The following PUDP variants were observed in gnomAD, a reference collection of about 807,000 sequenced individuals.
PUDP encodes the protein pseudouridine-5'-phosphatase.
Under a neutral mutation model 9.4 loss-of-function variants are expected in PUDP, and 8 were observed. The observed-to-expected ratio is 0.85, with a 90% CI of 0.50 to 1.53. PUDP has a LOEUF of 1.53. Among genes scored for constraint, PUDP ranks in the 40% most tolerant of loss-of-function variants. The pLI is 0.00. For missense variants in PUDP, 188 were observed against 189.7 expected (o/e 0.99, Z 0.05); for synonymous variants, 99 against 80.7 (o/e 1.23, Z -1.22).
At chrX:6,793,223 G>C (rs1476251052) in intron 3 of PUDP, among the ~76,000 whole-genome samples, 1 of 111,902 alleles carries the variant, frequency 8.9e-6, no homozygotes, top group Non-Finnish European at 1.9e-5. Flanking sequence ...TGAAAGTAGT[G>C]ACAAAAATCG....
At chrX:6,766,522 T>C (rs1169980643) in intron 3 of PUDP, among the ~76,000 whole-genome samples, 1 of 111,895 alleles carries the variant, frequency 8.9e-6, no homozygotes, top group East Asian at 2.8e-4. Flanking sequence ...CAGTAGACTG[T>C]GATAGTTATG....
chrX:7,025,765 T>G (rs745413478), intron 1 of PUDP, among the ~76,000 whole-genome samples: 8 of 112,484 alleles, frequency 7.1e-5, no homozygotes, highest in Non-Finnish European at 1.1e-4. Context: ...ACAAAGCACT[T>G]AAGTCAATTC....
rs767972958 is a variant in PUDP, at chrX:6,880,952, T to C, written c.*247+96181A>G. 3.5e-5 allele frequency among the ~76,000 whole-genome samples: 4 copies of C among 112,794 alleles called. No homozygotes were observed. In the East Asian group the frequency reaches 1.1e-3, roughly 31 times the overall value. On this transcript the variant is annotated intron_variant and NMD_transcript_variant, in intron 3 of 3. Coordinates refer to the PUDP transcript ENST00000655425. Reference sequence around the variant, plus strand: ...ATGTACTCTTCTCTCATGAATCTTGTAGTTTGGCAGAGAAAAAGATAATAA... The same window carrying C: ...ATGTACTCTTCTCTCATGAATCTTGCAGTTTGGCAGAGAAAAAGATAATAA...
intron 3 of PUDP, among the ~76,000 whole-genome samples, chrX:6,947,604 C>A (rs1217338417): frequency 9.0e-6 from 1 of 110,953 alleles, no homozygotes; most frequent in African/African-American, 3.3e-5. Context: ...ACCAGCTGGG[C>A]AACATAGTGA....
intron 3 of PUDP, among the ~76,000 whole-genome samples, chrX:6,807,462 A>G (rs1926069998): frequency 8.9e-6 from 1 of 112,400 alleles, no homozygotes; most frequent in Non-Finnish European, 1.9e-5. Context: ...CCCCTCTCGT[A>G]CCATTAATGG....
At chrX:7,114,046 GTCTCTC>G (rs199597384) in intron 1 of PUDP, among the ~76,000 whole-genome samples, 1 of 88,944 alleles carries the variant, frequency 1.1e-5, no homozygotes, top group African/African-American at 4.3e-5. Context: ...GCTAGCTCAG[GTCTCTC>G]TCTCTCTCTC....
intron 1 of PUDP, among the ~76,000 whole-genome samples, chrX:7,004,532 A>AC (rs1929375490): frequency 8.9e-6 from 1 of 112,171 alleles, no homozygotes; most frequent in Admixed American, 9.5e-5. Flanking sequence ...AATTTTCCAT[A>AC]CAAACATATA....
intron 3 of PUDP, among the ~76,000 whole-genome samples, chrX:6,727,464 G>C (rs1924752604): frequency 9.0e-6 from 1 of 111,709 alleles, no homozygotes; most frequent in African/African-American, 3.2e-5. Flanking sequence ...TGTTGTTAAG[G>C]ATCTTGACTT....
intron 1 of PUDP, among the ~76,000 whole-genome samples, chrX:7,134,440 C>G (rs1932693192): frequency 8.9e-6 from 1 of 112,044 alleles, no homozygotes; most frequent in Non-Finnish European, 1.9e-5. Context: ...CTATTCATAG[C>G]TCCCCAGGTT....
intron 3 of PUDP, among the ~76,000 whole-genome samples, chrX:6,817,080 A>G (rs994723747): frequency 1.9e-5 from 2 of 103,820 alleles, no homozygotes; most frequent in Non-Finnish European, 3.9e-5. Context: ...ATGTGTGTGT[A>G]TATATATATA....
In PUDP at chrX:6,902,463, A is replaced by T. The variant is rs750453637; in HGVS notation, c.*247+74670T>A. Among the ~76,000 whole-genome samples the T allele has an allele frequency of 2.7e-5, 3 of 112,173 alleles. No homozygotes were observed. In the Admixed American group the frequency reaches 2.8e-4, roughly 11 times the overall value. The stretch of plus-strand genomic sequence containing the variant: ...CCAAATGCGTGTCCAATTGCTCACC[A>T]ATTGCAGAGACCAGTTAGAAAGAGC... On this transcript the variant is annotated intron_variant and NMD_transcript_variant, in intron 3 of 3. Coordinates refer to the PUDP transcript ENST00000655425.
rs373200927 is a variant in PUDP, at chrX:6,898,216, G to A, written c.*247+78917C>T. Among the ~76,000 whole-genome samples the A allele has an allele frequency of 3.6e-4, 41 of 112,588 alleles. No individual in the cohort carries two copies. The South Asian group carries it at 0.012, about 34-fold the overall frequency. ...GGTCTTCCTGGTTGCTCCATGTTCT[G>A]AGCATCCTCAGCTCCCCATCATGGA... On this transcript the variant is annotated intron_variant and NMD_transcript_variant, in intron 3 of 3. Coordinates refer to the PUDP transcript ENST00000655425.
intron 3 of PUDP, among the ~76,000 whole-genome samples, chrX:6,732,534 TGAAA>T (rs1016636056): frequency 1.5e-4 from 14 of 95,563 alleles, no homozygotes; most frequent in African/African-American, 4.9e-4. Context: ...GTGAGGTAAG[TGAAA>T]GAAAGAGAGA....
At chrX:6,791,028 G>T (rs943651101) in intron 3 of PUDP, among the ~76,000 whole-genome samples, 8 of 111,999 alleles carry the variant, frequency 7.1e-5, no homozygotes, top group Non-Finnish European at 1.3e-4. Context: ...GTTAATGATG[G>T]TCAATAGATA....
At chrX:6,752,977 A>G (rs1435614166) in intron 3 of PUDP, among the ~76,000 whole-genome samples, 1 of 111,559 alleles carries the variant, frequency 9.0e-6, no homozygotes, top group East Asian at 2.8e-4. Flanking sequence ...TGTAACTGAT[A>G]TGGTTTGGCT....
chrX:7,109,389 G>A (rs1358088847), intron 1 of PUDP, among the ~76,000 whole-genome samples: 1 of 112,153 alleles, frequency 8.9e-6, no homozygotes, highest in African/African-American at 3.2e-5. Flanking sequence ...GAAAAGCCGA[G>A]TGAAGGAACA....
chrX:7,128,166 C>G (rs1427886726), intron 1 of PUDP, among the ~76,000 whole-genome samples: 3 of 110,715 alleles, frequency 2.7e-5, no homozygotes, highest in Non-Finnish European at 3.8e-5. Flanking sequence ...CTCAGCCTCC[C>G]GAGTAGCTGG....
At chrX:6,927,094 ATTT>A in intron 3 of PUDP, among the ~76,000 whole-genome samples, 1 of 103,802 alleles carries the variant, frequency 9.6e-6, no homozygotes, top group East Asian at 3.0e-4. Context: ...CACCTGGCTA[ATTT>A]TTTTTTTTGA....
intron 3 of PUDP, among the ~76,000 whole-genome samples, chrX:6,970,772 ATGTCAGAACAGC>A (rs1928861945): frequency 9.0e-6 from 1 of 111,648 alleles, no homozygotes; most frequent in South Asian, 3.8e-4. Flanking sequence ...AGGTCAATAG[ATGTCAGAACAGC>A]TGGGTGCAGT....
Sources: gnomAD v4.1 joint callset for allele counts (sites outside exome capture counted in the v4.1 genomes callset) on GRCh38, gnomAD v4.1.1 for gene constraint, MANE v1.5 for transcripts, NCBI Gene and HGNC (gene_info 2026-07-23, HGNC 2026-07-21) for gene names.